Variants in CYP27A1 observed in about 807,000 individuals in gnomAD.
The protein encoded by CYP27A1 is cytochrome P450 family 27 subfamily A member 1.
A neutral mutation model predicts 58.2 loss-of-function variants in CYP27A1; 46 were observed. That is an observed-to-expected ratio of 0.79 (90% confidence interval 0.62 to 1.01). The LOEUF (loss-of-function observed/expected upper bound fraction) is 1.01. Ranked by LOEUF, CYP27A1 falls within the 50% of genes least tolerant of loss-of-function variation. CYP27A1 has a pLI of 0.00. For synonymous variants in CYP27A1, 274 were observed against 285.1 expected, an observed-to-expected ratio of 0.96 and a Z score of 0.39; for missense variants, 704 against 687.0, an observed-to-expected ratio of 1.02 and a Z score of -0.28.
rs192559547 is a variant in CYP27A1 at position 218,782,797 on chromosome 2, T to A, written c.255+360T>A. ...TGGAATCACTAATTCTGGGCTGATA[T>A]TGGCTACCACAGACTTCTTCCAAAC... is the stretch of plus-strand genomic sequence containing the variant. On this transcript the variant is annotated intron_variant, in intron 1 of 8. Coordinates refer to ENST00000258415, the MANE Select transcript of CYP27A1 (RefSeq NM_000784.4). This position sits in a 1 kb window ranked among gnomAD's most constrained non-coding sequence, Gnocchi z 4.1. 5.9e-5 allele frequency among the ~76,000 whole-genome samples: 9 copies of A among 152,290 alleles called. No homozygotes were observed. The East Asian group carries it at 1.5e-3, about 26-fold the overall frequency.
chr2:218,790,104 C>CT (rs982753843), intron 1 of CYP27A1, among the ~76,000 whole-genome samples: 5 of 152,186 alleles, frequency 3.3e-5, no homozygotes, highest in African/African-American at 7.2e-5. Flanking sequence ...AATTTCTCCT[C>CT]TTTTGGTCAG....
chr2:218,802,577 T>C (rs1173080178), intron 1 of CYP27A1, among the ~76,000 whole-genome samples: 3 of 152,344 alleles, frequency 2.0e-5, no homozygotes, highest in Admixed American at 2.0e-4. Flanking sequence ...GGCTGCTTAC[T>C]ACGAGTTTGT....
intron 1 of CYP27A1, among the ~76,000 whole-genome samples, 194 bp from the exon 2 acceptor site, chr2:218,809,383 A>T (rs913692802): frequency 6.6e-5 from 10 of 150,716 alleles, no homozygotes; most frequent in Non-Finnish European, 1.5e-4. Context: ...CCCATTTTTT[A>T]AATTTGCTCT....
chr2:218,793,731 T>A lies in CYP27A1; in HGVS notation c.255+11294T>A, dbSNP rs78178217. Reference sequence around the variant, plus strand: ...AGTTTCTCTTTCTTTTTTTTTTTTTTTGAGACATATTCTCACTTTTTCACC... The same window carrying A: ...AGTTTCTCTTTCTTTTTTTTTTTTTATGAGACATATTCTCACTTTTTCACC... On this transcript the variant is annotated intron_variant, in intron 1 of 8. Coordinates refer to ENST00000258415, the MANE Select transcript of CYP27A1 (RefSeq NM_000784.4). 2.0e-5 allele frequency among the ~76,000 whole-genome samples: 3 copies of A among 151,902 alleles called. 1 individual carries two copies. Among genetic ancestry groups the A allele is most frequent in the Non-Finnish European group, 4.4e-5 (3 of 67,952 alleles).
chr2:218,797,417 C>T (rs1226124599), intron 1 of CYP27A1, among the ~76,000 whole-genome samples: 1 of 152,122 alleles, frequency 6.6e-6, no homozygotes, highest in Non-Finnish European at 1.5e-5. Context: ...TGATTGATAG[C>T]ATATACTCAG....
chr2:218,795,860 G>C (rs1943543073), intron 1 of CYP27A1, among the ~76,000 whole-genome samples: 1 of 152,172 alleles, frequency 6.6e-6, no homozygotes. Context: ...TTTGCATAAA[G>C]TACAGCAAGA....
At chr2:218,797,893 G>A (rs1389864994) in intron 1 of CYP27A1, among the ~76,000 whole-genome samples, 2 of 152,144 alleles carry the variant, frequency 1.3e-5, no homozygotes, top group African/African-American at 2.4e-5. Flanking sequence ...ACAGAATTTT[G>A]CAAGATTAAT....
chr2:218,796,926 A>G (rs777710921), intron 1 of CYP27A1, among the ~76,000 whole-genome samples: 2 of 152,216 alleles, frequency 1.3e-5, no homozygotes, highest in Non-Finnish European at 2.9e-5. Flanking sequence ...TGCATTTGAG[A>G]ACACCTGTCA....
chr2:218,791,723 A>C (rs577586006), intron 1 of CYP27A1, among the ~76,000 whole-genome samples: 1 of 152,202 alleles, frequency 6.6e-6, no homozygotes, highest in South Asian at 2.1e-4. Flanking sequence ...TGGCAAGTGC[A>C]GTCTTTCTGT....
rs369217538 is a variant in CYP27A1, at chr2:218,782,851, C to T, written c.255+414C>T. 1.1e-4 allele frequency among the ~76,000 whole-genome samples: 16 copies of T among 152,272 alleles called. No individual in the cohort carries two copies. In the East Asian group the frequency reaches 2.7e-3, roughly 26 times the overall value. On this transcript the variant is annotated intron_variant, in intron 1 of 8. Coordinates refer to ENST00000258415, the MANE Select transcript of CYP27A1 (RefSeq NM_000784.4). This position sits in a 1 kb window ranked among gnomAD's most constrained non-coding sequence, Gnocchi z 4.1. Reference sequence around the variant, plus strand: ...ATAACTTCAGGAGGATTATAGAAACCTCTTGGTTATTTGCAAGGTAAATTT... The same window carrying T: ...ATAACTTCAGGAGGATTATAGAAACTTCTTGGTTATTTGCAAGGTAAATTT...
At position 218,813,113 on chromosome 2, in the gene CYP27A1, G is replaced by T. The variant is rs1431354879; in HGVS notation, c.1017+17G>T. 1 of 1,596,760 alleles carries T rather than the reference G, an allele frequency of 6.3e-7. No homozygotes were observed. The highest frequency in any genetic ancestry group is 8.5e-7 in the Non-Finnish European group (1 of 1,170,568). On this transcript the variant is annotated intron_variant, in intron 5 of 8. Coordinates refer to ENST00000258415, the MANE Select transcript of CYP27A1 (RefSeq NM_000784.4). ...GTGGACACGGTGCGTGAAGGGGGAG[G>T]GTGAGACCAGGGGCCCCCAGCTCCC... is the stretch of plus-strand genomic sequence containing the variant.
intron 1 of CYP27A1, among the ~76,000 whole-genome samples, chr2:218,788,701 C>T (rs948646214): frequency 2.6e-5 from 4 of 152,226 alleles, no homozygotes; most frequent in African/African-American, 9.7e-5. Context: ...AATTATCTCT[C>T]TCCCTTGGAC....
At position 218,812,320 on chromosome 2, in the gene CYP27A1, T is replaced by C. The variant is rs556745324; in HGVS notation, c.545T>C (p.Ile182Thr). The C allele has an allele frequency of 2.5e-5, 40 of 1,614,228 alleles. No homozygotes were observed. In the East Asian group the frequency reaches 8.2e-4, roughly 33 times the overall value. The change falls in exon 3 of 9, where the codon ATT becomes ACT. Residue 182 changes from isoleucine to threonine, a missense_variant. Coordinates refer to ENST00000258415, the MANE Select transcript of CYP27A1 (RefSeq NM_000784.4). ...ALYTDAFNEV[I>T]DDFMTRLDQL... Reference sequence around the variant, plus strand: ...TATACGGATGCTTTCAATGAGGTGATTGATGACTTTATGACTCGACTGGAC... The same window carrying C: ...TATACGGATGCTTTCAATGAGGTGACTGATGACTTTATGACTCGACTGGAC...
chr2:218,796,098 A>G (rs955341292), intron 1 of CYP27A1, among the ~76,000 whole-genome samples: 1 of 152,152 alleles, frequency 6.6e-6, no homozygotes, highest in African/African-American at 2.4e-5. Context: ...CTGTACAGGG[A>G]CTGTGTAGTC....
At chr2:218,806,583 G>A (rs1943654159) in intron 1 of CYP27A1, among the ~76,000 whole-genome samples, 1 of 152,362 alleles carries the variant, frequency 6.6e-6, no homozygotes, top group East Asian at 1.9e-4. Flanking sequence ...AATAGTACAC[G>A]CTTTTCAAGG....
chr2:218,792,331 A>G (rs1943501935), intron 1 of CYP27A1, among the ~76,000 whole-genome samples: 1 of 152,194 alleles, frequency 6.6e-6, no homozygotes, highest in Non-Finnish European at 1.5e-5. Context: ...CAAACTGTAT[A>G]TCTAAACAAT....
intron 1 of CYP27A1, among the ~76,000 whole-genome samples, chr2:218,800,747 A>C (rs1943592493): frequency 6.6e-6 from 1 of 152,160 alleles, no homozygotes; most frequent in Non-Finnish European, 1.5e-5. Flanking sequence ...TGAATACATA[A>C]ATACACCCAT....
At chr2:218,797,234 G>C (rs1306383147) in intron 1 of CYP27A1, among the ~76,000 whole-genome samples, 1 of 151,936 alleles carries the variant, frequency 6.6e-6, no homozygotes, top group African/African-American at 2.4e-5. Context: ...TGAGTAGCTG[G>C]GATTACAGGC....
Position 218,782,228 on chromosome 2 carries a change from G to T in CYP27A1, c.46G>T (p.Ala16Ser). 6.5e-7 allele frequency: 1 copy of T among 1,541,530 alleles called. No homozygotes were observed. The highest frequency in any genetic ancestry group is 8.7e-7 in the Non-Finnish European group (1 of 1,146,118). Residue 16 changes from alanine to serine, a missense_variant, in exon 1 of 9, where the codon GCC (alanine) becomes TCC (serine). By Grantham distance (99) the Ala-to-Ser change is moderately conservative (BLOSUM62 1). Coordinates refer to ENST00000258415, the MANE Select transcript of CYP27A1 (RefSeq NM_000784.4). This position sits in a 1 kb window ranked among gnomAD's most constrained non-coding sequence, Gnocchi z 4.1. ...GAGGCTGAGGTGGGCGCTGCGAGGG[G>T]CCGGCCGTGGCCTCTGCCCCCACGG... ...CARLRWALRG[A>S]GRGLCPHGAR... is the part of the protein sequence containing the mutation.
Sources: allele counts gnomAD v4.1 joint callset (sites outside exome capture counted in the v4.1 genomes callset), GRCh38; gene constraint gnomAD v4.1.1; non-coding constraint Gnocchi (gnomAD v3.1); transcripts MANE v1.5; gene names NCBI Gene and HGNC (gene_info 2026-07-23, HGNC 2026-07-21).